OPCML: variants seen among roughly 807,000 people sequenced by gnomAD.
The protein encoded by OPCML is opioid-binding protein/cell adhesion molecule.
In OPCML, 13 loss-of-function variants were observed where a neutral mutation model predicts 37.8. The observed-to-expected ratio is 0.34, with a 90% CI of 0.22 to 0.55. The LOEUF (loss-of-function observed/expected upper bound fraction) is 0.55, where lower values mean the gene tolerates loss of function less well. Among genes scored for constraint, OPCML ranks in the 20% least tolerant of loss-of-function variants. The pLI, the probability that OPCML is intolerant of heterozygous loss-of-function variation, is 0.91. For missense variants in OPCML, 341 were observed against 435.6 expected (o/e 0.78, Z 1.93); for synonymous variants, 176 against 168.8 (o/e 1.04, Z -0.33).
intron 2 of OPCML, among the ~76,000 whole-genome samples, chr11:132,937,874 A>T (rs1466800971): frequency 6.6e-6 from 1 of 151,618 alleles, no homozygotes; most frequent in Admixed American, 6.6e-5. Flanking sequence ...CACTAGTACT[A>T]CTGCTCTTCA....
At chr11:132,937,563 TC>T (rs113464884) in intron 2 of OPCML, among the ~76,000 whole-genome samples, 1 of 146,748 alleles carries the variant, frequency 6.8e-6, no homozygotes, top group South Asian at 2.2e-4. Context: ...TGTGTGTGTG[TC>T]GTGTGTGTGT....
intron 2 of OPCML, among the ~76,000 whole-genome samples, chr11:132,710,105 G>A (rs1002379270): frequency 5.3e-5 from 8 of 152,134 alleles, no homozygotes; most frequent in South Asian, 2.1e-4. Flanking sequence ...GTACGCTGGC[G>A]TCATATGTGG....
intron 1 of OPCML, among the ~76,000 whole-genome samples, chr11:133,466,741 G>A (rs552906718): frequency 4.6e-5 from 7 of 152,044 alleles, no homozygotes; most frequent in African/African-American, 9.6e-5. Context: ...CTAATACTTC[G>A]GATTTAGTAA....
chr11:132,803,136 A>C (rs1938775711), intron 2 of OPCML, among the ~76,000 whole-genome samples: 1 of 152,164 alleles, frequency 6.6e-6, no homozygotes, highest in South Asian at 2.1e-4. Flanking sequence ...CACTGACCTA[A>C]GCAAATGCAT....
intron 2 of OPCML, among the ~76,000 whole-genome samples, chr11:132,741,727 A>G (rs1459873667): frequency 6.6e-6 from 1 of 152,136 alleles, no homozygotes. Flanking sequence ...TCATATTAGG[A>G]TAATTAAAAG....
At chr11:132,661,183 C>T (rs536275319) in intron 2 of OPCML, among the ~76,000 whole-genome samples, 2 of 152,160 alleles carry the variant, frequency 1.3e-5, no homozygotes, top group East Asian at 1.9e-4. Flanking sequence ...AGCCATGATC[C>T]GGTGTACTTG....
At chr11:133,477,221 C>T (rs989447227) in intron 1 of OPCML, among the ~76,000 whole-genome samples, 19 of 152,322 alleles carry the variant, frequency 1.2e-4, no homozygotes, top group East Asian at 1.9e-4. Flanking sequence ...GAGTAGCCAT[C>T]GCTCTTTGCC....
chr11:132,491,048 C>G (rs1004665551), intron 4 of OPCML, among the ~76,000 whole-genome samples: 1 of 152,124 alleles, frequency 6.6e-6, no homozygotes, highest in African/African-American at 2.4e-5. Flanking sequence ...GTTAGCAAAG[C>G]CTGGCTTACC....
intron 1 of OPCML, among the ~76,000 whole-genome samples, chr11:133,499,755 C>T (rs1297129703): frequency 2.0e-5 from 3 of 146,394 alleles, no homozygotes; most frequent in Non-Finnish European, 4.5e-5. Context: ...TGACCAACAC[C>T]ACCAGCAGAA....
At chr11:133,493,780 T>G (rs980766026) in intron 1 of OPCML, among the ~76,000 whole-genome samples, 1 of 152,220 alleles carries the variant, frequency 6.6e-6, no homozygotes, top group Admixed American at 6.5e-5. Flanking sequence ...CATGCCTATG[T>G]CCTGAATGGT....
At chr11:132,737,280 T>C (rs1288666485) in intron 2 of OPCML, among the ~76,000 whole-genome samples, 1 of 152,198 alleles carries the variant, frequency 6.6e-6, no homozygotes, top group African/African-American at 2.4e-5. Flanking sequence ...AAAAGATTAA[T>C]CCTTGGGTTG....
intron 2 of OPCML, among the ~76,000 whole-genome samples, chr11:132,827,132 C>T (rs187613561): frequency 8.1e-4 from 123 of 152,182 alleles, no homozygotes; most frequent in African/African-American, 2.8e-3. Context: ...GAAGACAAGA[C>T]ATAGGATGGG....
intron 1 of OPCML, among the ~76,000 whole-genome samples, chr11:133,231,778 C>A (rs1940289018): frequency 6.6e-6 from 1 of 152,122 alleles, no homozygotes; most frequent in African/African-American, 2.4e-5. Context: ...TTAAATGAGA[C>A]CACACATGTA....
chr11:132,636,686 A>G (rs1330227486), intron 3 of OPCML, among the ~76,000 whole-genome samples: 1 of 152,238 alleles, frequency 6.6e-6, no homozygotes, highest in African/African-American at 2.4e-5. Context: ...CACTTCATTC[A>G]ACCCCTTCAG....
At chr11:132,659,333 A>T (rs1354538122) in intron 2 of OPCML, among the ~76,000 whole-genome samples, 1 of 152,214 alleles carries the variant, frequency 6.6e-6, no homozygotes, top group African/African-American at 2.4e-5. Flanking sequence ...AATGACTGAT[A>T]AGGGGAAATA....
In OPCML at chr11:132,679,983, A is replaced by G. The variant is rs117879879; in HGVS notation, c.147-22664T>C. ...TTTTTAGTAGATGCAAGAGTAGAGAAGGTTTTATCTCAATTTATTCTTCAA... is the reference window on the plus strand; with the variant it reads ...TTTTTAGTAGATGCAAGAGTAGAGAGGGTTTTATCTCAATTTATTCTTCAA... On this transcript the variant is annotated intron_variant, in intron 2 of 7. Transcript: ENST00000524381. Among the ~76,000 whole-genome samples, 1,121 of 152,242 alleles carry G rather than the reference A, an allele frequency of 7.4e-3. 10 individuals are homozygous for G. Among genetic ancestry groups the G allele is most frequent in the South Asian group, 0.019 (91 of 4,822 alleles).
At chr11:132,876,617 T>A (rs1329964940) in intron 2 of OPCML, among the ~76,000 whole-genome samples, 1 of 152,214 alleles carries the variant, frequency 6.6e-6, no homozygotes, top group African/African-American at 2.4e-5. Context: ...TGATTTTTCC[T>A]GGCTTATTCT....
At chr11:133,508,697 G>A (rs542184003) in intron 1 of OPCML, among the ~76,000 whole-genome samples, 5 of 152,266 alleles carry the variant, frequency 3.3e-5, no homozygotes, top group South Asian at 2.1e-4. Flanking sequence ...TCTGCCAAAC[G>A]TCTTCTGCCC....
At chr11:133,166,632 G>A (rs764449422) in intron 1 of OPCML, among the ~76,000 whole-genome samples, 3 of 152,324 alleles carry the variant, frequency 2.0e-5, no homozygotes, top group East Asian at 3.9e-4. Context: ...ATAGGTGTGC[G>A]ATGCATGCCA....
Sources: allele counts gnomAD v4.1 joint callset (sites outside exome capture counted in the v4.1 genomes callset), GRCh38; gene constraint gnomAD v4.1.1; transcripts MANE v1.5; gene names NCBI Gene and HGNC (gene_info 2026-07-23, HGNC 2026-07-21).